The following LMF1 variants were observed in gnomAD, a reference collection of about 807,000 sequenced individuals.
LMF1 encodes transmembrane protein 112.
Under a neutral mutation model 60.6 loss-of-function variants are expected in LMF1, and 68 were observed. That is an observed-to-expected ratio of 1.12 (90% CI 0.92 to 1.37). The LOEUF (loss-of-function observed/expected upper bound fraction) is 1.37, where lower values mean the gene tolerates loss of function less well. LMF1 is among the 40% of genes most tolerant of loss of function. The pLI, the probability that LMF1 is intolerant of heterozygous loss-of-function variation, is 0.00. For synonymous variants in LMF1, 418 were observed against 324.7 expected (o/e 1.29, Z -3.09); for missense variants, 948 against 767.2 (o/e 1.24, Z -2.78).
chr16:893,167 G>C, intron 4 of LMF1, 95 bp from the exon 5 acceptor site: 1 of 1,065,164 alleles, frequency 9.4e-7, no homozygotes, highest in Non-Finnish European at 1.4e-6. Context: ...AACCATCCAC[G>C]AAGGCCGTGG....
upstream of LMF1, among the ~76,000 whole-genome samples, chr16:974,502 G>A (rs569488438): frequency 2.6e-5 from 4 of 152,350 alleles, no homozygotes; most frequent in South Asian, 8.3e-4. Context: ...CGGTGCTGGG[G>A]GAGAAGACGC....
intron 10 of LMF1, among the ~76,000 whole-genome samples, chr16:862,631 G>A (rs1006532058): frequency 4.6e-5 from 7 of 152,148 alleles, no homozygotes; most frequent in Non-Finnish European, 8.8e-5. Flanking sequence ...GCTGAGGTGG[G>A]AGGACTGCCT....
At chr16:954,062 G>T (rs111820009) in intron 2 of LMF1, among the ~76,000 whole-genome samples, 5 of 110,846 alleles carry the variant, frequency 4.5e-5, no homozygotes, top group Admixed American at 8.2e-5. Flanking sequence ...CACAGACACA[G>T]ACCCACTGCT....
chr16:972,841 G>T (rs2073076283), upstream of LMF1, among the ~76,000 whole-genome samples: 1 of 152,252 alleles, frequency 6.6e-6, no homozygotes, highest in South Asian at 2.1e-4. Flanking sequence ...CAGCGGAAGG[G>T]TCTGCTGGGA....
At chr16:861,354 CTTTTT>C (rs33941455) in intron 10 of LMF1, among the ~76,000 whole-genome samples, 8 of 92,670 alleles carry the variant, frequency 8.6e-5, no homozygotes, top group Middle Eastern at 6.9e-3. Context: ...AATTTTCTTT[CTTTTT>C]TTTTTTTTTT....
rs140408864 is a variant in LMF1 at position 927,329 on chromosome 16, C to T, written c.514+6915G>A. Among the ~76,000 whole-genome samples the T allele has an allele frequency of 2.3e-3, 353 of 152,346 alleles. 3 individuals carry two copies. The highest frequency in any genetic ancestry group is 7.9e-3 in the African/African-American group (330 of 41,576). On this transcript the variant is annotated intron_variant, in intron 3 of 10. Transcript: ENST00000262301. ...ACACGCAGGACCACAGTCATTCACG[C>T]CCCAGGTGACAGGGAAGGGCTCTGC...
intron 6 of LMF1, among the ~76,000 whole-genome samples, chr16:877,315 T>C (rs2070020736): frequency 6.6e-6 from 1 of 152,162 alleles, no homozygotes; most frequent in Non-Finnish European, 1.5e-5. Context: ...CCACAAAAAC[T>C]GCCTCAAGTC....
chr16:921,383 G>A (rs73499215), intron 3 of LMF1, among the ~76,000 whole-genome samples: 10,428 of 152,214 alleles, frequency 0.069, 399 homozygotes, highest in Non-Finnish European at 0.089. Context: ...ACGGACCTGC[G>A]CTCCCTGCAG....
chr16:978,756 G>A (rs1596191909), intron 1 of LMF1, among the ~76,000 whole-genome samples: 1 of 152,132 alleles, frequency 6.6e-6, no homozygotes, highest in Non-Finnish European at 1.5e-5. Context: ...GGAGACAGGG[G>A]AGGAGGGTGT....
chr16:954,382 A>T lies in LMF1; in HGVS notation c.478T>A (p.Ser160Thr), dbSNP rs765626657. 1 of 1,612,506 alleles carries T rather than the reference A, an allele frequency of 6.2e-7. No individual in the cohort carries two copies. Among genetic ancestry groups the T allele is most frequent in the Middle Eastern group, 1.6e-4 (1 of 6,082 alleles). Residue 160 changes from serine (S) to threonine (T), a missense_variant, in exon 2 of 11, where the codon TCC becomes ACC. Transcript: ENST00000262301. Reference sequence around the variant, plus strand: ...CAGACATGGCCCACATTAACCAGGGACATGTAGAGGCCCCACAGGGCAGCC... The same window carrying T: ...CAGACATGGCCCACATTAACCAGGGTCATGTAGAGGCCCCACAGGGCAGCC... ...LMAALWGLYM[S>T]LVNVGHVWYS...
chr16:970,692 G>A (rs1479783048), intron 1 of LMF1, 96 bp downstream of exon 1: 64 of 1,169,958 alleles, frequency 5.5e-5, no homozygotes, highest in Non-Finnish European at 7.3e-5. Flanking sequence ...GGGGCGCCGC[G>A]GCCGCGAGAC....
At chr16:900,137 G>A (rs894010488) in intron 4 of LMF1, 14 of 152,186 alleles carry the variant, frequency 9.2e-5, no homozygotes, top group African/African-American at 3.4e-4. Flanking sequence ...ACACTGACTG[G>A]CCTAAGGCTT....
At chr16:871,380 G>A (rs199987946) in intron 6 of LMF1, 39 bp from the exon 7 acceptor site, 64 of 1,600,430 alleles carry the variant, frequency 4.0e-5, no homozygotes, top group Non-Finnish European at 4.4e-5. Flanking sequence ...GCAGGGGCTC[G>A]TGTGGGGCCC....
intron 10 of LMF1, among the ~76,000 whole-genome samples, chr16:859,115 T>A (rs1269675339): frequency 1.6e-4 from 19 of 116,534 alleles, no homozygotes; most frequent in East Asian, 8.1e-4. Flanking sequence ...CAGTGATGTC[T>A]CGGGACGGGT....
intron 4 of LMF1, among the ~76,000 whole-genome samples, chr16:894,008 C>A (rs1411221654): frequency 1.4e-5 from 2 of 147,116 alleles, no homozygotes; most frequent in South Asian, 2.3e-4. Flanking sequence ...TGTCCACCCA[C>A]CCGTCCCCCT....
Position 874,737 on chromosome 16 carries a change from G to A in LMF1, c.898-3396C>T, listed in dbSNP as rs1250096792. Among the ~76,000 whole-genome samples, 1 of 151,720 alleles carries A rather than the reference G, an allele frequency of 6.6e-6. No homozygotes were observed. The highest frequency in any genetic ancestry group is 1.5e-5 in the Non-Finnish European group (1 of 67,838). ...CCAGGACGGGATCCGGGGAGGCGGC[G>A]CTCAGATGGGAACACACGGAACCAG... On this transcript the variant is annotated intron_variant, in intron 6 of 10. Coordinates refer to ENST00000262301, the MANE Select transcript of LMF1 (RefSeq NM_022773.4). This position sits in a 1 kb window ranked among gnomAD's most constrained non-coding sequence, Gnocchi z 4.1.
chr16:863,388 C>T (rs556779385), intron 10 of LMF1, among the ~76,000 whole-genome samples: 31 of 152,312 alleles, frequency 2.0e-4, no homozygotes, highest in African/African-American at 5.5e-4. Flanking sequence ...GTGATCCACC[C>T]GCCTTGGCCT....
chr16:922,201 A>G (rs2071450098), intron 3 of LMF1, among the ~76,000 whole-genome samples: 1 of 152,190 alleles, frequency 6.6e-6, no homozygotes, highest in African/African-American at 2.4e-5. Context: ...CTTGGCAGCA[A>G]CCACCCAGGG....
chr16:937,033 C>T (rs890632200), intron 2 of LMF1, among the ~76,000 whole-genome samples: 1 of 152,142 alleles, frequency 6.6e-6, no homozygotes, highest in Non-Finnish European at 1.5e-5. Context: ...TTCAGTGACT[C>T]AGGGCCACCA....
Sources: allele counts gnomAD v4.1 joint callset (sites outside exome capture counted in the v4.1 genomes callset), GRCh38; gene constraint gnomAD v4.1.1; non-coding constraint Gnocchi (gnomAD v3.1); transcripts MANE v1.5; gene names NCBI Gene and HGNC (gene_info 2026-07-23, HGNC 2026-07-21).